Variants in FBXO15 observed in about 807,000 individuals in gnomAD.
The protein encoded by FBXO15 is F-box protein 15.
A neutral mutation model predicts 49.5 loss-of-function variants in FBXO15; 30 were observed. That is an observed-to-expected ratio of 0.61 (90% confidence interval 0.45 to 0.82). FBXO15 has a LOEUF of 0.82. FBXO15 is among the 40% of genes least tolerant of loss of function. FBXO15 has a pLI of 0.00. For synonymous variants in FBXO15, 250 were observed against 232.7 expected (o/e 1.07, Z -0.68); for missense variants, 591 against 631.5 (o/e 0.94, Z 0.69).
intron 3 of FBXO15, among the ~76,000 whole-genome samples, chr18:74,133,055 A>C: frequency 6.6e-6 from 1 of 152,212 alleles, no homozygotes; most frequent in Non-Finnish European, 1.5e-5. Flanking sequence ...TAAACTTTTC[A>C]AAAACACATA....
chr18:74,147,657 G>GC lies in FBXO15; in HGVS notation c.116+12dup, dbSNP rs1159667614. 6.3e-6 allele frequency: 9 copies of GC among 1,429,616 alleles called. No individual in the cohort carries two copies. The highest frequency in any genetic ancestry group is 8.2e-6 in the Non-Finnish European group (9 of 1,095,354). The allele number at this position is 1,429,616 out of a possible 1,614,324, so 88.6% of individuals were successfully genotyped here. ...TCCCGCCAGGGGACCCCACCCGCAG[G>GC]CCCTACAGTCACCTGCACCCAAAGG... On this transcript the variant is annotated intron_variant, in intron 1 of 9. Transcript: ENST00000419743.
intron 3 of FBXO15, among the ~76,000 whole-genome samples, chr18:74,131,930 G>A (rs1978419040): frequency 6.6e-6 from 1 of 152,114 alleles, no homozygotes; most frequent in African/African-American, 2.4e-5. Flanking sequence ...CAGCAGAAAA[G>A]GACCATTTCT....
chr18:74,133,763 G>A (rs1978543372), intron 3 of FBXO15, among the ~76,000 whole-genome samples: 1 of 152,194 alleles, frequency 6.6e-6, no homozygotes. Context: ...ACTGTGCAGA[G>A]ATCACACGGC....
At chr18:74,117,899 C>T (rs993340750) in intron 8 of FBXO15, among the ~76,000 whole-genome samples, 4 of 152,096 alleles carry the variant, frequency 2.6e-5, no homozygotes, top group Non-Finnish European at 5.9e-5. Flanking sequence ...TCTAGACAGT[C>T]CACTGAGACA....
intron 8 of FBXO15, chr18:74,123,090 AAAT>A (rs1037224567): frequency 1.6e-4 from 49 of 306,054 alleles, no homozygotes; most frequent in African/African-American, 1.0e-3. Context: ...GAGCATGGAA[AAAT>A]AATAAGGAAG....
rs1403869670 is a variant in FBXO15 at position 74,075,040 on chromosome 18, C to T, written c.1264-1310G>A. 6.6e-6 allele frequency among the ~76,000 whole-genome samples: 1 copy of T among 152,214 alleles called. No homozygotes were observed. Among genetic ancestry groups the T allele is most frequent in the African/African-American group, 2.4e-5 (1 of 41,456 alleles). On this transcript the variant is annotated intron_variant, in intron 9 of 9. Transcript: ENST00000419743. This position sits in a 1 kb window ranked among gnomAD's most constrained non-coding sequence, Gnocchi z 4.1. ...CGCAGTTATTTTCTATCTGTCTGGA[C>T]CTGAGCACCAAGCACAGCGGGAGGG...
chr18:74,123,158 T>TCTC, intron 8 of FBXO15: 3 of 466,120 alleles, frequency 6.4e-6, no homozygotes, highest in Admixed American at 4.1e-5. Flanking sequence ...TTGAGAGTGA[T>TCTC]GGTGGTGAAG....
intron 8 of FBXO15, chr18:74,098,793 T>C (rs1375845145): frequency 6.6e-6 from 1 of 152,158 alleles, no homozygotes; most frequent in Non-Finnish European, 1.5e-5. Flanking sequence ...CACAAAAAGA[T>C]CACCATCTAG....
At chr18:74,141,675 T>A (rs752005880) in intron 1 of FBXO15, among the ~76,000 whole-genome samples, 2 of 152,162 alleles carry the variant, frequency 1.3e-5, no homozygotes, top group Non-Finnish European at 2.9e-5. Flanking sequence ...CACACACAAC[T>A]GGTCTTAACA....
At chr18:74,119,913 A>G (rs1914401653) in intron 8 of FBXO15, among the ~76,000 whole-genome samples, 1 of 152,126 alleles carries the variant, frequency 6.6e-6, no homozygotes, top group African/African-American at 2.4e-5. Context: ...ATCTCACCTC[A>G]TCTCTGTGGA....
At position 74,129,510 on chromosome 18, in the gene FBXO15, A is replaced by G; in HGVS notation, c.680T>C (p.Ile227Thr). Reference sequence around the variant, plus strand: ...GCATGGCCATTTTTTGCCATACCATATAACAGTAACTGATGTGTCATTTAT... The same window carrying G: ...GCATGGCCATTTTTTGCCATACCATGTAACAGTAACTGATGTGTCATTTAT... ...LSINDTSVTVIWYGKKWPCLA... is the reference protein window; with the variant it reads ...LSINDTSVTVTWYGKKWPCLA... Residue 227 changes from isoleucine (I) to threonine (T), a missense_variant, in exon 5 of 10, where the codon ATA becomes ACA. Coordinates refer to ENST00000419743, the MANE Select transcript of FBXO15 (RefSeq NM_001142958.2). 4 of 1,613,988 alleles carry G rather than the reference A, an allele frequency of 2.5e-6. No individual in the cohort carries two copies. Among genetic ancestry groups the G allele is most frequent in the Non-Finnish European group, 3.4e-6 (4 of 1,179,966 alleles).
rs769551111 is a variant in FBXO15 at position 74,123,491 on chromosome 18, G to A, written c.1015C>T (p.His339Tyr). 6.2e-7 allele frequency: 1 copy of A among 1,611,828 alleles called. No homozygotes were observed. The highest frequency in any genetic ancestry group is 2.2e-5 in the East Asian group (1 of 44,844). ...GGGCTATCATCCAAAAAGGGGCTAT[G>A]TGGAGGCAGTTCATAGGGGCTGAAA... ...SATIPYELPPHSPFLDDSPEY... is the reference protein window; with the variant it reads ...SATIPYELPPYSPFLDDSPEY... The change falls in exon 8 of 10, where the codon CAT (histidine) becomes TAT (tyrosine). Residue 339 changes from histidine to tyrosine, a missense_variant. By Grantham distance (83) the His-to-Tyr change is moderately conservative. Transcript: ENST00000419743.
intron 9 of FBXO15, among the ~76,000 whole-genome samples, chr18:74,080,939 G>A (rs535397140): frequency 6.6e-5 from 10 of 152,220 alleles, no homozygotes; most frequent in African/African-American, 1.4e-4. Flanking sequence ...CTATTTTGAC[G>A]TGAATATTTT....
chr18:74,118,008 T>C (rs1360492826), intron 8 of FBXO15, among the ~76,000 whole-genome samples: 1 of 145,028 alleles, frequency 6.9e-6, no homozygotes, highest in African/African-American at 2.6e-5. Context: ...CATACATATT[T>C]CTTTTTTTTT....
At chr18:74,083,663 T>G (rs1325178269) in intron 8 of FBXO15, among the ~76,000 whole-genome samples, 2 of 152,194 alleles carry the variant, frequency 1.3e-5, no homozygotes, top group South Asian at 4.1e-4. Flanking sequence ...CAGAGACTGT[T>G]ATTTTGTTAT....
chr18:74,133,565 C>T (rs1220346478), intron 3 of FBXO15, among the ~76,000 whole-genome samples: 1 of 152,196 alleles, frequency 6.6e-6, no homozygotes, highest in Non-Finnish European at 1.5e-5. Context: ...ACCTTCATCT[C>T]TTATTAGATC....
At chr18:74,095,746 T>C (rs930493902) in intron 8 of FBXO15, among the ~76,000 whole-genome samples, 3 of 152,208 alleles carry the variant, frequency 2.0e-5, no homozygotes, top group African/African-American at 7.2e-5. Flanking sequence ...CACCAATAGA[T>C]GTGCTTCATG....
At position 74,130,406 on chromosome 18, in the gene FBXO15, C is replaced by G. The variant is rs1026650466; in HGVS notation, c.575+10G>C. 1.9e-6 allele frequency: 3 copies of G among 1,613,580 alleles called. No individual in the cohort carries two copies. In the African/African-American group the frequency reaches 4.0e-5, roughly 22 times the overall value. The stretch of plus-strand genomic sequence containing the variant: ...GATGCCATCATTCTCTTTTGGAACA[C>G]ACTGCGTACCTGAGGGCCTCTTTGG... On this transcript the variant is annotated intron_variant, in intron 4 of 9. Coordinates refer to ENST00000419743, the MANE Select transcript of FBXO15 (RefSeq NM_001142958.2).
chr18:74,119,778 G>A lies in FBXO15; in HGVS notation c.1138+3590C>T, dbSNP rs76750802. ...CAGAAAAGGATAAGGCCAGAGAGGG[G>A]ATGGCAGCAGTGTGGGCTGAGGTGG... On this transcript the variant is annotated intron_variant, in intron 8 of 9. Transcript: ENST00000419743. Among the ~76,000 whole-genome samples, 221 of 152,270 alleles carry A rather than the reference G, an allele frequency of 1.5e-3. 4 individuals are homozygous for A. In the East Asian group the frequency reaches 0.035, roughly 24 times the overall value.
Sources: gnomAD v4.1 joint callset for allele counts (sites outside exome capture counted in the v4.1 genomes callset) on GRCh38, gnomAD v4.1.1 for gene constraint, Gnocchi (gnomAD v3.1) non-coding constraint, MANE v1.5 for transcripts, NCBI Gene and HGNC (gene_info 2026-07-23, HGNC 2026-07-21) for gene names.